Variants in BCORL1 observed in about 807,000 individuals in gnomAD.
The protein encoded by BCORL1 is BCL6 corepressor like 1, also known as BCL-6 corepressor-like protein 1.
Under a neutral mutation model 87.6 loss-of-function variants are expected in BCORL1, and 7 were observed. That is an observed-to-expected ratio of 0.08 (90% CI 0.05 to 0.15). The LOEUF is 0.15. BCORL1 is among the 10% of genes least tolerant of loss of function. The pLI, the probability that BCORL1 is intolerant of heterozygous loss-of-function variation, is 1.00. For missense variants in BCORL1, 1,215 were observed against 1,499.7 expected, an observed-to-expected ratio of 0.81 and a Z score of 3.13; for synonymous variants, 591 against 634.4, an observed-to-expected ratio of 0.93 and a Z score of 1.03.
intron 13 of BCORL1, 21 bp downstream of exon 13, chrX:130,052,037 C>T (rs12388749): frequency 0.18 from 205,073 of 1,158,181 alleles, 13,788 homozygotes; most frequent in Admixed American, 0.32. Flanking sequence ...GAGAGATCCA[C>T]GGTGACTGAG....
intron 11 of BCORL1, among the ~76,000 whole-genome samples, chrX:130,044,961 G>A (rs181607712): frequency 8.9e-6 from 1 of 112,484 alleles, no homozygotes; most frequent in Non-Finnish European, 1.9e-5. Flanking sequence ...TTTCTCCTGA[G>A]ATCATGAAGG....
Position 130,056,427 on chromosome X carries a change from G to T in BCORL1, c.*291G>T, listed in dbSNP as rs2047125247. 1.6e-5 allele frequency: 4 copies of T among 257,287 alleles called. No homozygotes were observed. The highest frequency in any genetic ancestry group is 2.7e-5 in the Non-Finnish European group (4 of 146,824). 21.2% of individuals were successfully genotyped at this position (257,287 alleles called of 1,213,427 possible). ...CGGGGGTGGTGGGAGGTGGCGCCGG[G>T]GTCCCTTGGACTGGCCTCCTTGTTC... On this transcript the variant is annotated 3_prime_UTR_variant, in exon 14 of 14. Transcript: ENST00000540052.
At chrX:130,000,896 TTGTGTGTGTGTGTGTG>T (rs61288678) in intron 1 of BCORL1, among the ~76,000 whole-genome samples, 1 of 98,244 alleles carries the variant, frequency 1.0e-5, no homozygotes, top group East Asian at 3.1e-4. Flanking sequence ...GGTGGATGCT[TTGTGTGTGTGTGTGTG>T]TGTGTGTGTG....
At chrX:130,047,040 C>G (rs1462115108) in intron 11 of BCORL1, among the ~76,000 whole-genome samples, 1 of 110,181 alleles carries the variant, frequency 9.1e-6, no homozygotes, top group East Asian at 2.8e-4. Flanking sequence ...ATGTAGAATA[C>G]TGTTTTCAAG....
intron 2 of BCORL1, among the ~76,000 whole-genome samples, 173 bp from the exon 3 acceptor site, chrX:130,012,405 G>A (rs367705272): frequency 3.6e-5 from 4 of 111,474 alleles, no homozygotes; most frequent in Admixed American, 2.9e-4. Context: ...TGGCGCCTCC[G>A]CTTTGTAACC....
intron 1 of BCORL1, 59 bp from the exon 2 acceptor site, chrX:130,005,129 G>T: frequency 3.0e-6 from 2 of 657,265 alleles, no homozygotes; most frequent in South Asian, 6.7e-5. Flanking sequence ...CTGTGTAAAA[G>T]GTGATTGAAG....
chrX:130,040,582 T>G (rs1220221131), intron 11 of BCORL1, among the ~76,000 whole-genome samples: 1 of 112,132 alleles, frequency 8.9e-6, no homozygotes, highest in Non-Finnish European at 1.9e-5. Flanking sequence ...CCTTTTCTGT[T>G]TTCCCTCCCT....
intron 4 of BCORL1, among the ~76,000 whole-genome samples, 159 bp downstream of exon 4, chrX:130,016,372 C>T (rs1929448371): frequency 8.9e-6 from 1 of 111,901 alleles, no homozygotes; most frequent in African/African-American, 3.3e-5. Context: ...GTAATAATGA[C>T]CTGCTGTCCC....
intron 2 of BCORL1, chrX:130,010,736 G>C (rs1273793856): frequency 9.1e-6 from 1 of 110,153 alleles, no homozygotes; most frequent in African/African-American, 3.3e-5. Context: ...TGTTGGGGTT[G>C]GCTCCAGCAA....
At chrX:130,051,434 C>T (rs1388254820) in intron 12 of BCORL1, among the ~76,000 whole-genome samples, 1 of 112,927 alleles carries the variant, frequency 8.9e-6, no homozygotes, top group Non-Finnish European at 1.9e-5. Flanking sequence ...GAAAGGAACC[C>T]GCTCAGCCCC....
At chrX:130,005,616 A>AT (rs200566885) in intron 2 of BCORL1, among the ~76,000 whole-genome samples, 4,857 of 106,432 alleles carry the variant, frequency 0.046, 296 homozygotes, top group African/African-American at 0.15. Flanking sequence ...GGCAATGGCA[A>AT]TTTTTTTTTT....
Position 130,014,816 on chromosome X carries a change from T to A in BCORL1, c.2044T>A (p.Ser682Thr). ...AGGNVTSCLG[S>T]TSSPFVIFPE... is the part of the protein sequence containing the mutation. ...TGGCAATGTCACCTCCTGCCTGGGCTCCACTTCCTCGCCCTTTGTCATCTT... is the reference window on the plus strand; with the variant it reads ...TGGCAATGTCACCTCCTGCCTGGGCACCACTTCCTCGCCCTTTGTCATCTT... The change falls in exon 4 of 14, where the codon TCC becomes ACC. Residue 682 changes from serine (S) to threonine (T), a missense_variant. Physicochemically the swap from Ser to Thr is moderately conservative, Grantham distance 58. Coordinates refer to ENST00000540052, the MANE Select transcript of BCORL1 (RefSeq NM_001379451.1). 1 of 1,211,209 alleles carries A rather than the reference T, an allele frequency of 8.3e-7. No homozygotes were observed. The highest frequency in any genetic ancestry group is 1.1e-6 in the Non-Finnish European group (1 of 895,329).
intron 1 of BCORL1, among the ~76,000 whole-genome samples, chrX:129,986,916 A>G (rs970627150): frequency 6.2e-5 from 7 of 112,184 alleles, no homozygotes; most frequent in Non-Finnish European, 9.4e-5. Context: ...TGGTTGGATT[A>G]TGGGTTGTAG....
intron 1 of BCORL1, among the ~76,000 whole-genome samples, chrX:129,985,589 G>A (rs1338499438): frequency 1.8e-5 from 2 of 112,039 alleles, no homozygotes; most frequent in Non-Finnish European, 3.8e-5. Flanking sequence ...AAAGATTGAG[G>A]TAGCTGGGAA....
rs1325193808 is a variant in BCORL1, at chrX:130,014,428, C to T, written c.1656C>T (p.Ser552=). The change falls in exon 4 of 14, where the codon TCC becomes TCT. Residue 552 remains serine, a synonymous_variant. Transcript: ENST00000540052. ...TCCCTGGGCCTTTGGCAGATACCTC[C>T]CTTGTTACTGCTTCTGCCAAGGTGC... ...DGVPGPLADT[S]LVTASAKVLP... 1 of 1,211,587 alleles carries T rather than the reference C, an allele frequency of 8.3e-7. No individual in the cohort carries two copies. The highest frequency in any genetic ancestry group is 1.8e-5 in the South Asian group (1 of 56,976).
intron 1 of BCORL1, among the ~76,000 whole-genome samples, chrX:129,984,223 T>TGCCGCC (rs1177302718): frequency 6.8e-5 from 7 of 102,690 alleles, no homozygotes; most frequent in Non-Finnish European, 6.0e-5. Context: ...CCGCAGCCGT[T>TGCCGCC]GCCGCCGCCG....
At chrX:129,985,399 TTGAA>T (rs774630353) in intron 1 of BCORL1, among the ~76,000 whole-genome samples, 1 of 111,576 alleles carries the variant, frequency 9.0e-6, no homozygotes, top group African/African-American at 3.3e-5. Flanking sequence ...GGTACTTTAA[TTGAA>T]TGGTGATGTC....
chrX:129,985,892 C>T (rs1926568544), intron 1 of BCORL1, among the ~76,000 whole-genome samples: 2 of 109,824 alleles, frequency 1.8e-5, no homozygotes, highest in African/African-American at 6.6e-5. Context: ...CTCAGTCGCC[C>T]AGGCTGGAGT....
Position 130,037,530 on chromosome X carries a change from C to T in BCORL1, c.4691C>T (p.Thr1564Met), listed in dbSNP as rs368783964. Reference sequence around the variant, plus strand: ...GTGAACTGCAGTGCGCAGGACGGCACGAGGCAAGAGGGCTGCATCTCCCCC... The same window carrying T: ...GTGAACTGCAGTGCGCAGGACGGCATGAGGCAAGAGGGCTGCATCTCCCCC... Reference protein sequence around the residue: ...ANVNCSAQDGTRPVHDAVVND... With the variant: ...ANVNCSAQDGMRPVHDAVVND... The change falls in exon 10 of 14, where the codon ACG (threonine) becomes ATG (methionine). Residue 1564 changes from threonine (T) to methionine (M), a missense_variant. Physicochemically the swap from Thr to Met is moderately conservative, Grantham distance 81. This residue lies in a region of BCORL1 where 55 missense variants were observed against 115.1 expected (regional missense o/e 0.48). Transcript: ENST00000540052. The T allele has an allele frequency of 5.0e-6, 6 of 1,204,126 alleles. No homozygotes were observed. The highest frequency in any genetic ancestry group is 6.7e-6 in the Non-Finnish European group (6 of 890,603).
Sources: allele counts gnomAD v4.1 joint callset (sites outside exome capture counted in the v4.1 genomes callset), GRCh38; gene constraint gnomAD v4.1.1; regional missense constraint gnomAD v4.1.1; transcripts MANE v1.5; gene names NCBI Gene and HGNC (gene_info 2026-07-23, HGNC 2026-07-21).